Variants in INTS7 observed in about 807,000 individuals in gnomAD.
INTS7 encodes integrator complex subunit 7, also known as chromosome 1 open reading frame 73.
Under a neutral mutation model 109.2 loss-of-function variants are expected in INTS7, and 46 were observed. The observed-to-expected ratio is 0.42, with a 90% CI of 0.33 to 0.54. INTS7 has a LOEUF of 0.54. Among genes scored for constraint, INTS7 ranks in the 20% least tolerant of loss-of-function variants. The pLI, the probability that INTS7 is intolerant of heterozygous loss-of-function variation, is 0.07. For synonymous variants in INTS7, 412 were observed against 402.9 expected, an observed-to-expected ratio of 1.02 and a Z score of -0.27; for missense variants, 929 against 1,132.4, an observed-to-expected ratio of 0.82 and a Z score of 2.58.
At position 211,941,549 on chromosome 1, in the gene INTS7, C is replaced by T. The variant is rs750191399; in HGVS notation, c.*275G>A. ...ATTTTTTTGTATTTTTTAGTGGAGA[C>T]GGGGTTTCACTGTGTTAGCCAGGAT... On this transcript the variant is annotated 3_prime_UTR_variant, in exon 20 of 20. Coordinates refer to ENST00000366994, the MANE Select transcript of INTS7 (RefSeq NM_015434.4). 3.8e-4 allele frequency: 130 copies of T among 340,740 alleles called. No individual in the cohort carries two copies. The highest frequency in any genetic ancestry group is 5.9e-4 in the Non-Finnish European group (111 of 187,906). 21.1% of individuals were successfully genotyped at this position (340,740 alleles called of 1,614,324 possible). A position where few individuals can be genotyped will look rare whatever the true frequency, so the allele number is the denominator to read the frequency against.
intron 1 of INTS7, among the ~76,000 whole-genome samples, chr1:212,033,918 A>G (rs1667290400): frequency 6.6e-6 from 1 of 151,984 alleles, no homozygotes; most frequent in African/African-American, 2.4e-5. Context: ...CCCCGTCTAT[A>G]CTAAAAATAC....
At chr1:211,995,470 C>T (rs753417878) in intron 7 of INTS7, among the ~76,000 whole-genome samples, 8 of 151,990 alleles carry the variant, frequency 5.3e-5, no homozygotes, top group Non-Finnish European at 8.8e-5. Context: ...AAAGGTTAAA[C>T]GGATAATAAA....
chr1:211,969,188 G>A (rs1340658322), intron 13 of INTS7, among the ~76,000 whole-genome samples: 2 of 151,822 alleles, frequency 1.3e-5, no homozygotes, highest in East Asian at 3.9e-4. Flanking sequence ...GGGAGGCTGA[G>A]GCAGGAGAAT....
Position 212,035,411 on chromosome 1 carries a change from G to GA in INTS7, c.26dup (p.Leu10ProfsTer31), listed in dbSNP as rs1469643229. ...GTTCGCCATAGCCGGCATCTGCCAG[G>GA]AAAGACTTAGTTGAGTTTGACGCCA... On this transcript the variant is annotated frameshift_variant, in exon 1 of 20. Coordinates refer to ENST00000366994, the MANE Select transcript of INTS7 (RefSeq NM_015434.4). LOFTEE classifies it high-confidence loss of function. The GA allele has an allele frequency of 6.2e-7, 1 of 1,613,806 alleles. No homozygotes were observed. Among genetic ancestry groups the GA allele is most frequent in the Non-Finnish European group, 8.5e-7 (1 of 1,179,766 alleles).
At chr1:212,028,307 T>G (rs1339059224) in intron 1 of INTS7, among the ~76,000 whole-genome samples, 1 of 152,232 alleles carries the variant, frequency 6.6e-6, no homozygotes, top group Admixed American at 6.5e-5. Flanking sequence ...AAATCATACT[T>G]CACATAAAAC....
Position 211,982,028 on chromosome 1 carries a change from G to A in INTS7, c.1132+648C>T, listed in dbSNP as rs563941956. On this transcript the variant is annotated intron_variant, in intron 9 of 19. Coordinates refer to ENST00000366994, the MANE Select transcript of INTS7 (RefSeq NM_015434.4). ...AGGAACAAGCAGTGCTGAAGGCTAG[G>A]GGGGATAAGAGGAACCACTGAGCTT... Among the ~76,000 whole-genome samples, 5 of 152,174 alleles carry A rather than the reference G, an allele frequency of 3.3e-5. 1 individual carries two copies. Among genetic ancestry groups the A allele is most frequent in the African/African-American group, 9.6e-5 (4 of 41,532 alleles).
chr1:212,015,859 A>T (rs920630549), intron 4 of INTS7, among the ~76,000 whole-genome samples: 1 of 151,946 alleles, frequency 6.6e-6, no homozygotes, highest in African/African-American at 2.4e-5. Flanking sequence ...AAAATTATAT[A>T]CCATCTTACC....
intron 7 of INTS7, among the ~76,000 whole-genome samples, chr1:211,991,407 T>C (rs1002076081): frequency 7.2e-5 from 11 of 152,200 alleles, no homozygotes; most frequent in African/African-American, 2.7e-4. Flanking sequence ...TAAAGAACTG[T>C]TGATTTTCAT....
At position 212,006,015 on chromosome 1, in the gene INTS7, C is replaced by T. The variant is rs562119522; in HGVS notation, c.879+624G>A. ...GATGAAGCTGAGAGATAAAAACTACCGTTCCATTTTAAATAGCATTATTTG... is the reference window on the plus strand; with the variant it reads ...GATGAAGCTGAGAGATAAAAACTACTGTTCCATTTTAAATAGCATTATTTG... On this transcript the variant is annotated intron_variant, in intron 7 of 19. Coordinates refer to ENST00000366994, the MANE Select transcript of INTS7 (RefSeq NM_015434.4). 2.6e-5 allele frequency among the ~76,000 whole-genome samples: 4 copies of T among 152,148 alleles called. No individual in the cohort carries two copies. In the South Asian group the frequency reaches 6.2e-4, roughly 24 times the overall value.
chr1:211,943,574 C>A (rs1205481684), intron 19 of INTS7, among the ~76,000 whole-genome samples: 3 of 152,104 alleles, frequency 2.0e-5, no homozygotes, highest in Non-Finnish European at 2.9e-5. Context: ...AGGTACCATG[C>A]TGTATGGCAC....
In INTS7 at chr1:212,003,216, C is replaced by T. The variant is rs558082495; in HGVS notation, c.879+3423G>A. Among the ~76,000 whole-genome samples the T allele has an allele frequency of 2.5e-4, 36 of 142,050 alleles. No individual in the cohort carries two copies. The South Asian group carries it at 8.0e-3, about 32-fold the overall frequency. The allele number at this position is 142,050 out of a possible 152,430, so 93.2% of individuals were successfully genotyped here. ...CAATCTTCTGATTCAAGAAATCAAA[C>T]ATAGTCTAGACAGTTTAAAAAGAAA... On this transcript the variant is annotated intron_variant, in intron 7 of 19. Coordinates refer to ENST00000366994, the MANE Select transcript of INTS7 (RefSeq NM_015434.4).
At chr1:212,017,502 G>GC (rs1463874618) in intron 3 of INTS7, among the ~76,000 whole-genome samples, 13 of 152,186 alleles carry the variant, frequency 8.5e-5, no homozygotes, top group Non-Finnish European at 1.8e-4. Flanking sequence ...GATCAAGAAA[G>GC]CAGTGGTTGA....
Position 211,947,624 on chromosome 1 carries a change from T to C in INTS7, c.2317-919A>G, listed in dbSNP as rs117229648. On this transcript the variant is annotated intron_variant, in intron 17 of 19. Transcript: ENST00000366994. Reference sequence around the variant, plus strand: ...TCAGCAACGGATAAATAAAGTATGCTGACACACAGATATTCTGCTCTGCCA... The same window carrying C: ...TCAGCAACGGATAAATAAAGTATGCCGACACACAGATATTCTGCTCTGCCA... Among the ~76,000 whole-genome samples, 52 of 152,302 alleles carry C rather than the reference T, an allele frequency of 3.4e-4. No homozygotes were observed. In the East Asian group the frequency reaches 8.3e-3, roughly 24 times the overall value.
At chr1:212,021,758 G>A (rs984232081) in intron 1 of INTS7, among the ~76,000 whole-genome samples, 1 of 151,684 alleles carries the variant, frequency 6.6e-6, no homozygotes, top group Non-Finnish European at 1.5e-5. Context: ...TGAGGTGGAC[G>A]AATCACTTGA....
At chr1:211,957,776 ATTTC>A in intron 16 of INTS7, among the ~76,000 whole-genome samples, 1 of 152,062 alleles carries the variant, frequency 6.6e-6, no homozygotes, top group African/African-American at 2.4e-5. Flanking sequence ...ATCATGACCA[ATTTC>A]AAGGTCATGA....
In INTS7 at chr1:211,952,693, T is replaced by C. The variant is rs1396096012; in HGVS notation, c.2192A>G (p.Glu731Gly). The C allele has an allele frequency of 6.2e-7, 1 of 1,612,242 alleles. No homozygotes were observed. Among genetic ancestry groups the C allele is most frequent in the Non-Finnish European group, 8.5e-7 (1 of 1,179,134 alleles). The stretch of plus-strand genomic sequence containing the variant: ...ATGGGCTGTTCCAGTAGATCCATAT[T>C]CCTGGAAACTGAAGTAAAGGTCAAT... ...ILDPESASFQ[E>G]YGSTGTAHAD... The change falls in exon 17 of 20, where the codon GAA (glutamate) becomes GGA (glycine). Residue 731 changes from glutamate to glycine, a missense_variant. Physicochemically the swap from Glu to Gly is moderately conservative, Grantham distance 98 (BLOSUM62 -2). Around this residue, in one of 2 missense-constraint regions of INTS7, gnomAD observed 787 missense variants for 901.1 expected, o/e 0.87. Transcript: ENST00000366994.
At chr1:212,029,675 C>G (rs1443862231) in intron 1 of INTS7, among the ~76,000 whole-genome samples, 1 of 152,206 alleles carries the variant, frequency 6.6e-6, no homozygotes, top group Non-Finnish European at 1.5e-5. Flanking sequence ...ACAAAGAACA[C>G]CACAAATAAA....
At position 211,941,929 on chromosome 1, in the gene INTS7, T is replaced by C. The variant is rs770730591; in HGVS notation, c.2784A>G (p.Val928=). 1 of 1,614,230 alleles carries C rather than the reference T, an allele frequency of 6.2e-7. No individual in the cohort carries two copies. The highest frequency in any genetic ancestry group is 8.5e-7 in the Non-Finnish European group (1 of 1,180,032). ...GGGAATAAGGGTCTTCCAGGGATTTTACAAATATGGTAGTTCTGGGACCAG... is the reference window on the plus strand; with the variant it reads ...GGGAATAAGGGTCTTCCAGGGATTTCACAAATATGGTAGTTCTGGGACCAG... ...WKTGPRTTIF[V]KSLEDPYSQQ... is the part of the protein sequence containing the mutation. The change falls in exon 20 of 20, where the codon GTA becomes GTG. Residue 928 remains valine (V), a synonymous_variant. Coordinates refer to ENST00000366994, the MANE Select transcript of INTS7 (RefSeq NM_015434.4).
At chr1:212,021,057 G>A in intron 2 of INTS7, 26 bp downstream of exon 2, 1 of 1,581,078 alleles carries the variant, frequency 6.3e-7, no homozygotes, top group Non-Finnish European at 8.6e-7. Context: ...AGTACTTTAG[G>A]ACATCGAGAA....
Sources: allele counts gnomAD v4.1 joint callset (sites outside exome capture counted in the v4.1 genomes callset), GRCh38; gene constraint gnomAD v4.1.1; regional missense constraint gnomAD v4.1.1; transcripts MANE v1.5; gene names NCBI Gene and HGNC (gene_info 2026-07-23, HGNC 2026-07-21).